CDYL2: variants seen among roughly 807,000 people sequenced by gnomAD.
The protein encoded by CDYL2 is chromodomain Y like 2, also known as chromodomain Y-like protein 2.
A neutral mutation model predicts 49.4 loss-of-function variants in CDYL2; 23 were observed. The observed-to-expected ratio is 0.47, with a 90% CI of 0.34 to 0.66. The LOEUF (loss-of-function observed/expected upper bound fraction) is 0.66, where lower values mean the gene tolerates loss of function less well. CDYL2 is among the 30% of genes least tolerant of loss of function. The pLI is 0.01. For synonymous variants in CDYL2, 360 were observed against 268.8 expected, an observed-to-expected ratio of 1.34 and a Z score of -3.32; for missense variants, 678 against 656.4, an observed-to-expected ratio of 1.03 and a Z score of -0.36.
At chr16:80,656,479 C>T (rs971182853) in intron 2 of CDYL2, among the ~76,000 whole-genome samples, 5 of 152,246 alleles carry the variant, frequency 3.3e-5, no homozygotes, top group Non-Finnish European at 7.3e-5. Flanking sequence ...CCCCCACTGT[C>T]CTGCGTGTGA....
At chr16:80,647,574 C>A (rs1297700546) in intron 2 of CDYL2, among the ~76,000 whole-genome samples, 1 of 152,096 alleles carries the variant, frequency 6.6e-6, no homozygotes, top group East Asian at 1.9e-4. Flanking sequence ...AAGAGACAGA[C>A]CCCAGGAAAA....
intron 1 of CDYL2, among the ~76,000 whole-genome samples, chr16:80,758,707 T>C (rs959396786): frequency 6.6e-6 from 1 of 151,990 alleles, no homozygotes; most frequent in Non-Finnish European, 1.5e-5. Flanking sequence ...CACACCCAGC[T>C]AATTTTTTGT....
intron 2 of CDYL2, among the ~76,000 whole-genome samples, chr16:80,645,073 G>C (rs1352345324): frequency 6.6e-6 from 1 of 152,120 alleles, no homozygotes; most frequent in Non-Finnish European, 1.5e-5. Context: ...CAGGACATAG[G>C]CATGGACAGG....
At chr16:80,606,323 AG>A (rs1395092591) in intron 6 of CDYL2, among the ~76,000 whole-genome samples, 1 of 152,206 alleles carries the variant, frequency 6.6e-6, no homozygotes, top group Non-Finnish European at 1.5e-5. Flanking sequence ...TTTTGGCAGC[AG>A]AGACCTCCTT....
intron 1 of CDYL2, among the ~76,000 whole-genome samples, chr16:80,719,289 A>C (rs193066260): frequency 6.6e-6 from 1 of 152,218 alleles, no homozygotes; most frequent in Admixed American, 6.5e-5. Context: ...TGGGAGCAGG[A>C]ATCTGTGTGG....
In CDYL2 at chr16:80,604,119, G is replaced by C; in HGVS notation, c.*269C>G. 1 of 485,074 alleles carries C rather than the reference G, an allele frequency of 2.1e-6. No individual in the cohort carries two copies. The highest frequency in any genetic ancestry group is 3.6e-5 in the East Asian group (1 of 27,618). The allele number at this position is 485,074 out of a possible 1,614,324, so 30.0% of individuals were successfully genotyped here. A position where few individuals can be genotyped will look rare whatever the true frequency, so the allele number is the denominator to read the frequency against. On this transcript the variant is annotated 3_prime_UTR_variant, in exon 7 of 7. Transcript: ENST00000570137. The stretch of plus-strand genomic sequence containing the variant: ...TTTCAGCAAGTGGGGAAAGGACAGC[G>C]GTGCTTGGCGGAGCCCTGGGAAGAT...
chr16:80,759,118 A>ATATATATATATATATATGGTT (rs1555535883), intron 1 of CDYL2, among the ~76,000 whole-genome samples: 92 of 118,462 alleles, frequency 7.8e-4, no homozygotes, highest in Non-Finnish European at 1.2e-3. Flanking sequence ...ATATATATAT[A>ATATATATATATATATATGGTT]TATATATATA....
intron 2 of CDYL2, among the ~76,000 whole-genome samples, chr16:80,658,582 G>C (rs1908907121): frequency 1.3e-5 from 2 of 152,140 alleles, no homozygotes; most frequent in African/African-American, 2.4e-5. Flanking sequence ...TGTGGAAGAA[G>C]ACATACAAAT....
chr16:80,687,508 G>A (rs1171974407), intron 1 of CDYL2, among the ~76,000 whole-genome samples: 3 of 152,098 alleles, frequency 2.0e-5, no homozygotes, highest in East Asian at 1.9e-4. Context: ...ATGGATGGTA[G>A]GATGTATGGG....
chr16:80,790,655 A>T (rs1907579310), intron 1 of CDYL2, among the ~76,000 whole-genome samples: 1 of 152,192 alleles, frequency 6.6e-6, no homozygotes, highest in Non-Finnish European at 1.5e-5. Context: ...GGTGCTTTGG[A>T]TTCTATTACT....
intron 1 of CDYL2, among the ~76,000 whole-genome samples, chr16:80,692,456 G>A (rs1272414643): frequency 6.6e-6 from 1 of 152,128 alleles, no homozygotes; most frequent in East Asian, 1.9e-4. Flanking sequence ...AATAGGAACT[G>A]CCCATTTAAA....
At chr16:80,802,720 G>A (rs1597140472) in intron 1 of CDYL2, among the ~76,000 whole-genome samples, 1 of 152,246 alleles carries the variant, frequency 6.6e-6, no homozygotes, top group East Asian at 1.9e-4. Flanking sequence ...ACAAGAACAT[G>A]GTCACACAGG....
intron 1 of CDYL2, among the ~76,000 whole-genome samples, chr16:80,710,117 G>A (rs187338429): frequency 2.8e-4 from 43 of 152,112 alleles, no homozygotes; most frequent in African/African-American, 9.6e-4. Context: ...TAGTACAGAC[G>A]GGGATTTCGC....
chr16:80,618,611 T>C (rs902476062), intron 4 of CDYL2, among the ~76,000 whole-genome samples: 1 of 152,156 alleles, frequency 6.6e-6, no homozygotes, highest in African/African-American at 2.4e-5. Flanking sequence ...CTTCCATCCC[T>C]TCAGTGACCC....
At chr16:80,725,547 T>C (rs1342610485) in intron 1 of CDYL2, among the ~76,000 whole-genome samples, 4 of 152,198 alleles carry the variant, frequency 2.6e-5, no homozygotes, top group Non-Finnish European at 5.9e-5. Flanking sequence ...ACAAATCTCA[T>C]CCTACAGTCT....
At chr16:80,726,842 C>A (rs1164121613) in intron 1 of CDYL2, among the ~76,000 whole-genome samples, 1 of 151,764 alleles carries the variant, frequency 6.6e-6, no homozygotes, top group Non-Finnish European at 1.5e-5. Context: ...AATCCCAACA[C>A]TTTGGAGGCT....
chr16:80,665,556 A>G (rs1044559097), intron 2 of CDYL2, among the ~76,000 whole-genome samples: 2 of 151,264 alleles, frequency 1.3e-5, no homozygotes, highest in Admixed American at 6.6e-5. Flanking sequence ...TTTTGCACCA[A>G]CCTAATAATA....
At chr16:80,661,225 A>G (rs79563563) in intron 2 of CDYL2, among the ~76,000 whole-genome samples, 2,249 of 152,192 alleles carry the variant, frequency 0.015, 15 homozygotes, top group Middle Eastern at 0.031. Context: ...GCTATCCCCA[A>G]TTGAGGGATA....
chr16:80,757,215 A>C (rs746183291), intron 1 of CDYL2, among the ~76,000 whole-genome samples: 1 of 152,186 alleles, frequency 6.6e-6, no homozygotes, highest in African/African-American at 2.4e-5. Context: ...ACTAAAAGAG[A>C]GTCACAAACA....
Sources: allele counts gnomAD v4.1 joint callset (sites outside exome capture counted in the v4.1 genomes callset), GRCh38; gene constraint gnomAD v4.1.1; transcripts MANE v1.5; gene names NCBI Gene and HGNC (gene_info 2026-07-23, HGNC 2026-07-21).